Variants in PGRMC2 observed in about 807,000 individuals in gnomAD.
PGRMC2 encodes the protein progesterone receptor membrane component 2.
Under a neutral mutation model 19.3 loss-of-function variants are expected in PGRMC2, and 9 were observed. The ratio of observed to expected loss-of-function variants is 0.47; its 90% CI spans 0.28 to 0.81. The LOEUF is 0.81. Among genes scored for constraint, PGRMC2 ranks in the 40% least tolerant of loss-of-function variants. The probability of loss-of-function intolerance (pLI) is 0.11; values close to 1 mark genes in which losing one functional copy is unlikely to be tolerated. For synonymous variants in PGRMC2, 157 were observed against 124.6 expected (o/e 1.26, Z -1.73); for missense variants, 289 against 297.3 (o/e 0.97, Z 0.21).
At chr4:128,277,664 T>C (rs1460613569) in intron 1 of PGRMC2, among the ~76,000 whole-genome samples, 1 of 152,212 alleles carries the variant, frequency 6.6e-6, no homozygotes, top group Non-Finnish European at 1.5e-5. Flanking sequence ...TTGGGTAATT[T>C]ATTTCAAATA....
Position 128,287,291 on chromosome 4 carries a change from C to G in PGRMC2, c.418+82G>C, listed in dbSNP as rs963297248. 2.0e-6 allele frequency: 3 copies of G among 1,468,624 alleles called. No individual in the cohort carries two copies. In the East Asian group the frequency reaches 7.3e-5, roughly 36 times the overall value. 91.0% of individuals were successfully genotyped at this position (1,468,624 alleles called of 1,614,324 possible). On this transcript the variant is annotated intron_variant, in intron 1 of 2. Coordinates refer to ENST00000296425, the MANE Select transcript of PGRMC2 (RefSeq NM_006320.6). ...AGACGAGAAGGCTGGGCAAACTAAC[C>G]CGGTGCCCAGAGGCCTCCCTGTCCG...
At chr4:128,278,909 A>T (rs1417435802) in intron 1 of PGRMC2, among the ~76,000 whole-genome samples, 2 of 152,200 alleles carry the variant, frequency 1.3e-5, no homozygotes, top group Non-Finnish European at 2.9e-5. Flanking sequence ...CAATATGATG[A>T]TTGAAAAACT....
chr4:128,287,263 C>A (rs1302937192), intron 1 of PGRMC2, 110 bp downstream of exon 1: 29 of 1,304,936 alleles, frequency 2.2e-5, no homozygotes, highest in Admixed American at 1.1e-4. Flanking sequence ...GCGGGGGTCC[C>A]GGAGACGAGA....
At chr4:128,278,119 C>G (rs1760839332) in intron 1 of PGRMC2, among the ~76,000 whole-genome samples, 1 of 152,088 alleles carries the variant, frequency 6.6e-6, no homozygotes, top group Non-Finnish European at 1.5e-5. Context: ...AAGCCCAGGC[C>G]CGTGCCACTT....
intron 1 of PGRMC2, among the ~76,000 whole-genome samples, chr4:128,282,868 G>A (rs1760929156): frequency 6.6e-6 from 1 of 152,184 alleles, no homozygotes; most frequent in African/African-American, 2.4e-5. Context: ...AACACTTCAA[G>A]GTACATGTGT....
At chr4:128,277,844 A>T (rs527644935) in intron 1 of PGRMC2, among the ~76,000 whole-genome samples, 5 of 152,350 alleles carry the variant, frequency 3.3e-5, no homozygotes, top group Admixed American at 6.5e-5. Flanking sequence ...GTTCTAGAGG[A>T]TCCACTCACA....
chr4:128,287,747 C>T lies in PGRMC2; in HGVS notation c.44G>A (p.Ser15Asn), dbSNP rs1761011525. The T allele has an allele frequency of 1.8e-5, 26 of 1,481,476 alleles. No individual in the cohort carries two copies. The highest frequency in any genetic ancestry group is 2.4e-5 in the Non-Finnish European group (26 of 1,085,148). The allele number at this position is 1,481,476 out of a possible 1,614,324, so 91.8% of individuals were successfully genotyped here. ...GCCGTCGTTGCTGCTCTCGCTGCCACTCCCCAGGGTGCCTAGCTTCACGTC... is the reference window on the plus strand; with the variant it reads ...GCCGTCGTTGCTGCTCTCGCTGCCATTCCCCAGGGTGCCTAGCTTCACGTC... ...DGDVKLGTLGSGSESSNDGGS... is the reference protein window; with the variant it reads ...DGDVKLGTLGNGSESSNDGGS... The change falls in exon 1 of 3, where the codon AGT becomes AAT. Residue 15 changes from serine (S) to asparagine (N), a missense_variant. Physicochemically the swap from Ser to Asn is conservative, Grantham distance 46 (BLOSUM62 1). Transcript: ENST00000296425.
intron 1 of PGRMC2, among the ~76,000 whole-genome samples, chr4:128,285,694 G>A (rs916050977): frequency 6.6e-6 from 1 of 152,100 alleles, no homozygotes; most frequent in African/African-American, 2.4e-5. Flanking sequence ...ATACCAATGG[G>A]GGAAAAGCTT....
At chr4:128,271,618 T>TA (rs1760730925) in intron 2 of PGRMC2, among the ~76,000 whole-genome samples, 1 of 152,232 alleles carries the variant, frequency 6.6e-6, no homozygotes, top group African/African-American at 2.4e-5. Flanking sequence ...AGGGAACTTA[T>TA]AAGGCTTGGG....
chr4:128,271,312 A>C lies in PGRMC2; in HGVS notation c.*4T>G. 5 of 1,532,596 alleles carry C rather than the reference A, an allele frequency of 3.3e-6. No individual in the cohort carries two copies. The highest frequency in any genetic ancestry group is 4.5e-6 in the Non-Finnish European group (5 of 1,110,320). 94.9% of individuals were successfully genotyped at this position (1,532,596 alleles called of 1,614,324 possible). ...AGGCCCCTGACTTTGGTTGTTTACA[A>C]AGTTCAATCCTGTTTATTGTGATCC... On this transcript the variant is annotated 3_prime_UTR_variant, in exon 3 of 3. Coordinates refer to ENST00000296425, the MANE Select transcript of PGRMC2 (RefSeq NM_006320.6).
chr4:128,277,265 T>C (rs561906767), intron 1 of PGRMC2, among the ~76,000 whole-genome samples: 44 of 152,230 alleles, frequency 2.9e-4, no homozygotes, highest in Admixed American at 9.2e-4. Flanking sequence ...ATCCAACTTG[T>C]GGTCAAGATA....
At chr4:128,272,638 T>C in intron 1 of PGRMC2, 121 bp from the exon 2 acceptor site, 2 of 542,068 alleles carry the variant, frequency 3.7e-6, no homozygotes, top group Non-Finnish European at 5.8e-6. Flanking sequence ...TAATTCACAT[T>C]TGTATATACC....
In PGRMC2 at chr4:128,287,421, T is replaced by A. The variant is rs748008354; in HGVS notation, c.370A>T (p.Asn124Tyr). 23 of 1,612,728 alleles carry A rather than the reference T, an allele frequency of 1.4e-5. No individual in the cohort carries two copies. Among genetic ancestry groups the A allele is most frequent in the Non-Finnish European group, 2.5e-6 (3 of 1,179,082 alleles). Residue 124 changes from asparagine (N) to tyrosine (Y), a missense_variant, in exon 1 of 3, where the codon AAT becomes TAT. Asn to Tyr is a moderately radical substitution (Grantham distance 143). Coordinates refer to ENST00000296425, the MANE Select transcript of PGRMC2 (RefSeq NM_006320.6). ...TTGGTCACGTCGAAGACTTTCCCAT[T>A]GACCGCGAGCAGGATGCGCGGGTTG... ...SRNPRILLAVNGKVFDVTKGS... is the reference protein window; with the variant it reads ...SRNPRILLAVYGKVFDVTKGS...
At chr4:128,283,167 G>C (rs2110564000) in intron 1 of PGRMC2, among the ~76,000 whole-genome samples, 1 of 152,286 alleles carries the variant, frequency 6.6e-6, no homozygotes, top group South Asian at 2.1e-4. Context: ...AATTATACTA[G>C]CTGTTTGAGT....
At chr4:128,279,953 TG>T (rs537732462) in intron 1 of PGRMC2, among the ~76,000 whole-genome samples, 243 of 152,302 alleles carry the variant, frequency 1.6e-3, no homozygotes, top group Non-Finnish European at 2.3e-3. Flanking sequence ...ATTTTGAGCA[TG>T]TATTACTTAA....
At chr4:128,281,386 A>G (rs574105862) in intron 1 of PGRMC2, among the ~76,000 whole-genome samples, 1 of 152,218 alleles carries the variant, frequency 6.6e-6, no homozygotes, top group Non-Finnish European at 1.5e-5. Context: ...TAAAATTCTT[A>G]TATTGTTCAG....
rs752934691 is a variant in PGRMC2, at chr4:128,271,275, T to C, written c.*41A>G. On this transcript the variant is annotated 3_prime_UTR_variant, in exon 3 of 3. Coordinates refer to ENST00000296425, the MANE Select transcript of PGRMC2 (RefSeq NM_006320.6). ...GACAGTCTGTGAAAGGGAGTAAGAA[T>C]TGCAGTTCTGAAGGCCCCTGACTTT... is the stretch of plus-strand genomic sequence containing the variant. 2.9e-5 allele frequency: 30 copies of C among 1,024,082 alleles called. No individual in the cohort carries two copies. The highest frequency in any genetic ancestry group is 1.1e-4 in the African/African-American group (7 of 62,926). The allele number at this position is 1,024,082 out of a possible 1,614,324, so 63.4% of individuals were successfully genotyped here.
intron 1 of PGRMC2, 177 bp downstream of exon 1, chr4:128,287,196 G>C (rs996250812): frequency 5.1e-6 from 3 of 590,524 alleles, no homozygotes; most frequent in Admixed American, 7.1e-5. Context: ...CGTAGCTGCG[G>C]GGGGACGGTG....
intron 1 of PGRMC2, among the ~76,000 whole-genome samples, chr4:128,274,170 T>C (rs1431761938): frequency 6.6e-6 from 1 of 152,236 alleles, no homozygotes; most frequent in Non-Finnish European, 1.5e-5. Context: ...GAACACAATT[T>C]ACCACTGGCC....
Sources: gnomAD v4.1 joint callset for allele counts (sites outside exome capture counted in the v4.1 genomes callset) on GRCh38, gnomAD v4.1.1 for gene constraint, MANE v1.5 for transcripts, NCBI Gene and HGNC (gene_info 2026-07-23, HGNC 2026-07-21) for gene names.